The following CTNNBL1 variants were observed in gnomAD, a reference collection of about 807,000 sequenced individuals.
The protein encoded by CTNNBL1 is catenin beta like 1.
A neutral mutation model predicts 72.7 loss-of-function variants in CTNNBL1; 31 were observed. The ratio of observed to expected loss-of-function variants is 0.43; its 90% CI spans 0.32 to 0.58. The LOEUF (loss-of-function observed/expected upper bound fraction) is 0.58. CTNNBL1 is among the 20% of genes least tolerant of loss of function. CTNNBL1 has a pLI of 0.08. For synonymous variants in CTNNBL1, 240 were observed against 267.3 expected (o/e 0.90, Z 1.00); for missense variants, 534 against 725.1 (o/e 0.74, Z 3.03).
In CTNNBL1 at chr20:37,726,035, T is replaced by C. The variant is rs558954953; in HGVS notation, c.31-6844T>C. ...GCCTTTATGTACATGCATACATATA[T>C]GCATAAATGTCTGTGTGAAAGAGGT... On this transcript the variant is annotated intron_variant, in intron 1 of 15. Coordinates refer to ENST00000361383, the MANE Select transcript of CTNNBL1 (RefSeq NM_030877.5). Among the ~76,000 whole-genome samples the C allele has an allele frequency of 3.0e-3, 461 of 152,316 alleles. 29 individuals are homozygous for C. In the South Asian group the frequency reaches 0.092, roughly 30 times the overall value.
intron 13 of CTNNBL1, among the ~76,000 whole-genome samples, chr20:37,850,473 G>A (rs538766177): frequency 1.7e-5 from 2 of 120,016 alleles, no homozygotes; most frequent in Non-Finnish European, 3.6e-5. Context: ...TGCAACATGC[G>A]TATGTGCTGA....
At chr20:37,811,711 A>G (rs2072013180) in intron 11 of CTNNBL1, among the ~76,000 whole-genome samples, 1 of 152,244 alleles carries the variant, frequency 6.6e-6, no homozygotes, top group Admixed American at 6.5e-5. Context: ...TGAAGAAGAC[A>G]GTGAGACAGG....
intron 2 of CTNNBL1, among the ~76,000 whole-genome samples, chr20:37,736,590 G>C (rs1014403766): frequency 6.6e-6 from 1 of 152,028 alleles, no homozygotes; most frequent in Non-Finnish European, 1.5e-5. Context: ...ACCCAGGCCG[G>C]AGTGCAGCGG....
At chr20:37,784,705 AGTT>A (rs1246135720) in intron 10 of CTNNBL1, among the ~76,000 whole-genome samples, 1 of 152,112 alleles carries the variant, frequency 6.6e-6, no homozygotes, top group Non-Finnish European at 1.5e-5. Flanking sequence ...TGTCTTGAAA[AGTT>A]GTTGTAATTA....
At chr20:37,841,273 C>T (rs2072301994) in intron 12 of CTNNBL1, among the ~76,000 whole-genome samples, 1 of 152,188 alleles carries the variant, frequency 6.6e-6, no homozygotes, top group African/African-American at 2.4e-5. Context: ...AGGAGTATAG[C>T]ATGATGAAGA....
At chr20:37,749,471 GA>G (rs1362425336) in intron 4 of CTNNBL1, among the ~76,000 whole-genome samples, 1 of 151,802 alleles carries the variant, frequency 6.6e-6, no homozygotes, top group Non-Finnish European at 1.5e-5. Flanking sequence ...TTTAAAAAGG[GA>G]AAAAACACAT....
chr20:37,794,499 G>A (rs1036466798), intron 10 of CTNNBL1, among the ~76,000 whole-genome samples: 3 of 151,536 alleles, frequency 2.0e-5, no homozygotes, highest in African/African-American at 7.3e-5. Context: ...TTTGCTTTTT[G>A]TTTGTGTTTT....
intron 1 of CTNNBL1, among the ~76,000 whole-genome samples, chr20:37,713,603 G>A (rs371595265): frequency 6.6e-6 from 1 of 152,172 alleles, no homozygotes; most frequent in Non-Finnish European, 1.5e-5. Context: ...ATATCATGGG[G>A]TGGGTGTGCA....
chr20:37,701,766 C>G (rs1036512713), intron 1 of CTNNBL1, among the ~76,000 whole-genome samples: 1 of 151,626 alleles, frequency 6.6e-6, no homozygotes, highest in Non-Finnish European at 1.5e-5. Context: ...TGGTCGGAGA[C>G]GATGGGGGTC....
rs188628230 is a variant in CTNNBL1, at chr20:37,701,535, G to T, written c.30+7383G>T. ...GGGAGCACAATGGAAGGAACGGTTG[G>T]ATATGGAAAGGGGATATATCGATGG... On this transcript the variant is annotated intron_variant, in intron 1 of 15. Coordinates refer to ENST00000361383, the MANE Select transcript of CTNNBL1 (RefSeq NM_030877.5). Among the ~76,000 whole-genome samples, 111 of 152,314 alleles carry T rather than the reference G, an allele frequency of 7.3e-4. 1 individual carries two copies. The East Asian group carries it at 0.019, about 27-fold the overall frequency.
At chr20:37,861,571 G>C (rs182291741) in intron 15 of CTNNBL1, among the ~76,000 whole-genome samples, 157 of 152,356 alleles carry the variant, frequency 1.0e-3, no homozygotes, top group African/African-American at 3.4e-3. Context: ...GATTTACTCA[G>C]AGAGCTTACC....
chr20:37,830,807 A>T (rs1161390806), intron 11 of CTNNBL1, among the ~76,000 whole-genome samples: 2 of 152,122 alleles, frequency 1.3e-5, no homozygotes, highest in East Asian at 3.9e-4. Context: ...TTTAACACAA[A>T]ACCTATTTTA....
At chr20:37,696,361 C>T (rs948899887) in intron 1 of CTNNBL1, among the ~76,000 whole-genome samples, 4 of 149,446 alleles carry the variant, frequency 2.7e-5, no homozygotes, top group Admixed American at 6.7e-5. Context: ...TGACTAGTTT[C>T]GAATTTAGAT....
intron 13 of CTNNBL1, among the ~76,000 whole-genome samples, chr20:37,858,872 A>G (rs2072465488): frequency 6.6e-6 from 1 of 152,134 alleles, no homozygotes; most frequent in African/African-American, 2.4e-5. Flanking sequence ...GAAATGCAGC[A>G]TGCCCTCTGA....
intron 11 of CTNNBL1, among the ~76,000 whole-genome samples, chr20:37,810,200 A>G (rs907576135): frequency 6.6e-6 from 1 of 152,182 alleles, no homozygotes; most frequent in Non-Finnish European, 1.5e-5. Context: ...TTTGGCTCAC[A>G]ATTCTGGAGG....
At chr20:37,728,738 GTGGGAGC>G in intron 1 of CTNNBL1, among the ~76,000 whole-genome samples, 1 of 152,326 alleles carries the variant, frequency 6.6e-6, no homozygotes, top group South Asian at 2.1e-4. Context: ...GGAGAGGGAG[GTGGGAGC>G]TGCTGTGTTG....
Position 37,809,154 on chromosome 20 carries a change from T to C in CTNNBL1, c.1213+6106T>C, listed in dbSNP as rs886301840. 5.9e-5 allele frequency among the ~76,000 whole-genome samples: 9 copies of C among 152,072 alleles called. 1 individual carries two copies. Among genetic ancestry groups the C allele is most frequent in the Admixed American group, 2.0e-4 (3 of 15,246 alleles). ...CCCAGCCCTCAGCAAATTTACAGTT[T>C]GAAGAAGTAGGAAAATAGACATGGG... On this transcript the variant is annotated intron_variant, in intron 11 of 15. Coordinates refer to ENST00000361383, the MANE Select transcript of CTNNBL1 (RefSeq NM_030877.5).
rs11476313 is a variant in CTNNBL1 at position 37,747,378 on chromosome 20, C to CAA, written c.466+796_466+797dup. ...CAACAGAGTGAGTGGGACTCCATCT[C>CAA]AAAAAAAAAAAAAAAAAAAAAAAAA... On this transcript the variant is annotated intron_variant, in intron 4 of 15. Coordinates refer to ENST00000361383, the MANE Select transcript of CTNNBL1 (RefSeq NM_030877.5). Among the ~76,000 whole-genome samples, 183 of 42,936 alleles carry CAA rather than the reference C, an allele frequency of 4.3e-3. 7 individuals are homozygous for CAA. The highest frequency in any genetic ancestry group is 0.012 in the African/African-American group (151 of 12,940). 28.2% of individuals were successfully genotyped at this position (42,936 alleles called of 152,430 possible).
chr20:37,748,976 T>G (rs1259581683), intron 4 of CTNNBL1, among the ~76,000 whole-genome samples: 4 of 152,250 alleles, frequency 2.6e-5, no homozygotes, highest in Non-Finnish European at 4.4e-5. Flanking sequence ...TGGTTGTTAC[T>G]TCACATTTCA....
Sources: gnomAD v4.1 joint callset for allele counts (sites outside exome capture counted in the v4.1 genomes callset) on GRCh38, gnomAD v4.1.1 for gene constraint, MANE v1.5 for transcripts, NCBI Gene and HGNC (gene_info 2026-07-23, HGNC 2026-07-21) for gene names.